Variants in MTSS1 observed in about 807,000 individuals in gnomAD.
MTSS1 encodes the protein MTSS I-BAR domain containing 1.
A neutral mutation model predicts 79.0 loss-of-function variants in MTSS1; 18 were observed. That is an observed-to-expected ratio of 0.23 (90% CI 0.16 to 0.34). The LOEUF is 0.34. Among genes scored for constraint, MTSS1 ranks in the 10% least tolerant of loss-of-function variants. The pLI is 1.00. For missense variants in MTSS1, 815 were observed against 986.2 expected (o/e 0.83, Z 2.33); for synonymous variants, 341 against 368.6 (o/e 0.93, Z 0.86).
intron 6 of MTSS1, chr8:124,580,356 T>C: frequency 1.8e-6 from 1 of 571,424 alleles, no homozygotes; most frequent in South Asian, 2.3e-5. Context: ...TGGCTAAACA[T>C]CCAAAAAAGA....
intron 3 of MTSS1, among the ~76,000 whole-genome samples, chr8:124,668,865 CCATTACCA>C (rs1823608283): frequency 6.6e-6 from 1 of 152,212 alleles, no homozygotes; most frequent in Non-Finnish European, 1.5e-5. Flanking sequence ...GTGCAAACCA[CCATTACCA>C]CCTTCTTGTA....
At chr8:124,713,243 T>G (rs1831426012) in intron 1 of MTSS1, among the ~76,000 whole-genome samples, 1 of 152,232 alleles carries the variant, frequency 6.6e-6, no homozygotes, top group African/African-American at 2.4e-5. Context: ...TGGACAGCAA[T>G]GGCCACCCCA....
intron 3 of MTSS1, among the ~76,000 whole-genome samples, chr8:124,661,110 A>C (rs1821946704): frequency 6.6e-6 from 1 of 152,238 alleles, no homozygotes; most frequent in Non-Finnish European, 1.5e-5. Flanking sequence ...GTGATCATTA[A>C]AAAGTTTATC....
intron 3 of MTSS1, among the ~76,000 whole-genome samples, chr8:124,658,975 T>A (rs988740497): frequency 1.3e-5 from 2 of 152,248 alleles, no homozygotes; most frequent in Non-Finnish European, 2.9e-5. Context: ...GAGCCTCAAC[T>A]AATTTTCATT....
At chr8:124,645,343 C>T (rs755337596) in intron 3 of MTSS1, among the ~76,000 whole-genome samples, 10 of 152,122 alleles carry the variant, frequency 6.6e-5, no homozygotes, top group Non-Finnish European at 1.5e-4. Context: ...GCTATGATTG[C>T]GCTACTCATT....
At position 124,562,903 on chromosome 8, in the gene MTSS1, T is replaced by A. The variant is rs2303956; in HGVS notation, c.914A>T (p.Asn305Ile). The A allele has an allele frequency of 5.0e-6, 8 of 1,613,808 alleles. No individual in the cohort carries two copies. The East Asian group carries it at 1.8e-4, about 36-fold the overall frequency. Reference protein sequence around the residue: ...PSSHYRYRSSNLAQQAPVRLS... With the variant: ...PSSHYRYRSSILAQQAPVRLS... ...CCTCACAGGAGCCTGCTGGGCCAGGTTGGAGCTGCGGTAGCGGTAATGTGA... is the reference window on the plus strand; with the variant it reads ...CCTCACAGGAGCCTGCTGGGCCAGGATGGAGCTGCGGTAGCGGTAATGTGA... The change falls in exon 10 of 14, where the codon AAC becomes ATC. Residue 305 changes from asparagine (N) to isoleucine (I), a missense_variant. By Grantham distance (149) the Asn-to-Ile change is moderately radical. Transcript: ENST00000518547.
At chr8:124,612,458 G>A (rs1457667757) in intron 3 of MTSS1, among the ~76,000 whole-genome samples, 1 of 152,184 alleles carries the variant, frequency 6.6e-6, no homozygotes, top group Non-Finnish European at 1.5e-5. Context: ...TTTATTTTAG[G>A]AGACAATTAC....
Position 124,678,215 on chromosome 8 carries a change from T to C in MTSS1, c.208+21311A>G, listed in dbSNP as rs534442162. Among the ~76,000 whole-genome samples the C allele has an allele frequency of 8.5e-5, 13 of 152,278 alleles. No homozygotes were observed. The South Asian group carries it at 2.5e-3, about 29-fold the overall frequency. ...CATATTTATGGCAAGGAAGCTGGCA[T>C]AGTATCACAGGAATAATTCCAGACT... On this transcript the variant is annotated intron_variant, in intron 3 of 13. Coordinates refer to ENST00000518547, the MANE Select transcript of MTSS1 (RefSeq NM_014751.6).
In MTSS1 at chr8:124,586,915, T is replaced by G. The variant is rs116514867; in HGVS notation, c.386-1754A>C. Among the ~76,000 whole-genome samples the G allele has an allele frequency of 3.3e-3, 502 of 152,306 alleles. 2 individuals are homozygous for G. The highest frequency in any genetic ancestry group is 0.012 in the African/African-American group (487 of 41,558). On this transcript the variant is annotated intron_variant, in intron 5 of 13. Coordinates refer to ENST00000518547, the MANE Select transcript of MTSS1 (RefSeq NM_014751.6). The stretch of plus-strand genomic sequence containing the variant: ...ATCAAGGAACCTGTGTTTTATTGGA[T>G]GAGTAGACCTCTCTGCAAGACCTGC...
intron 11 of MTSS1, among the ~76,000 whole-genome samples, chr8:124,557,185 T>A (rs914457573): frequency 7.9e-5 from 12 of 152,204 alleles, no homozygotes; most frequent in African/African-American, 2.4e-4. Context: ...AAGTTCAACA[T>A]GATCACCCCA....
At chr8:124,639,914 A>T (rs80306110) in intron 3 of MTSS1, among the ~76,000 whole-genome samples, 4,272 of 141,610 alleles carry the variant, frequency 0.03, 174 homozygotes, top group African/African-American at 0.098. Flanking sequence ...AACAATATAA[A>T]CAGTTTATGA....
chr8:124,665,291 T>C (rs959794290), intron 3 of MTSS1, among the ~76,000 whole-genome samples: 6 of 152,248 alleles, frequency 3.9e-5, no homozygotes, highest in African/African-American at 1.4e-4. Flanking sequence ...ATCTGTTCAG[T>C]GACTAATTCT....
At chr8:124,578,471 C>G (rs1829411748) in intron 6 of MTSS1, among the ~76,000 whole-genome samples, 1 of 152,116 alleles carries the variant, frequency 6.6e-6, no homozygotes, top group African/African-American at 2.4e-5. Flanking sequence ...TCCTTCCTCT[C>G]TGCCCCCAGG....
chr8:124,621,890 A>G (rs1813594644), intron 3 of MTSS1, among the ~76,000 whole-genome samples: 1 of 152,052 alleles, frequency 6.6e-6, no homozygotes, highest in African/African-American at 2.4e-5. Context: ...ACCCTTAGAG[A>G]GTCAGAAAGA....
chr8:124,701,926 T>C (rs1829764524), intron 2 of MTSS1, among the ~76,000 whole-genome samples: 2 of 152,238 alleles, frequency 1.3e-5, no homozygotes, highest in Non-Finnish European at 2.9e-5. Flanking sequence ...ATGAGGCCCC[T>C]ATATTGCTCT....
At chr8:124,587,102 G>GT (rs1424299669) in intron 5 of MTSS1, among the ~76,000 whole-genome samples, 1 of 152,182 alleles carries the variant, frequency 6.6e-6, no homozygotes, top group Admixed American at 6.5e-5. Flanking sequence ...AGTCTGCACC[G>GT]GCTCCTCACA....
chr8:124,567,447 G>T (rs970958791), intron 7 of MTSS1, among the ~76,000 whole-genome samples: 1 of 152,248 alleles, frequency 6.6e-6, no homozygotes, highest in African/African-American at 2.4e-5. Flanking sequence ...CTGGGGGACT[G>T]CCAGGCCTGC....
chr8:124,611,110 C>CCCG (rs2133273161), intron 3 of MTSS1, among the ~76,000 whole-genome samples: 1 of 146,326 alleles, frequency 6.8e-6, no homozygotes, highest in South Asian at 2.2e-4. Context: ...AGACAGACCC[C>CCCG]CCCCCCCCAG....
At chr8:124,625,808 A>C (rs1814552506) in intron 3 of MTSS1, among the ~76,000 whole-genome samples, 1 of 152,200 alleles carries the variant, frequency 6.6e-6, no homozygotes, top group Non-Finnish European at 1.5e-5. Flanking sequence ...CAAGATACGA[A>C]GGCCACACAT....
Sources: allele counts gnomAD v4.1 joint callset (sites outside exome capture counted in the v4.1 genomes callset), GRCh38; gene constraint gnomAD v4.1.1; transcripts MANE v1.5; gene names NCBI Gene and HGNC (gene_info 2026-07-23, HGNC 2026-07-21).